The following GLI3 variants were observed in gnomAD, a reference collection of about 807,000 sequenced individuals.
GLI3 encodes transcription activator GLI3.
Under a neutral mutation model 100.8 loss-of-function variants are expected in GLI3, and 20 were observed. The ratio of observed to expected loss-of-function variants is 0.20; its 90% CI spans 0.14 to 0.29. The LOEUF is 0.29. Ranked by LOEUF, GLI3 falls within the 10% of genes least tolerant of loss-of-function variation. The pLI is 1.00. For missense variants in GLI3, 2,040 were observed against 2,128.5 expected, an observed-to-expected ratio of 0.96 and a Z score of 0.82; for synonymous variants, 938 against 860.5, an observed-to-expected ratio of 1.09 and a Z score of -1.58.
intron 2 of GLI3, among the ~76,000 whole-genome samples, chr7:42,198,967 C>T (rs1787984962): frequency 6.8e-6 from 1 of 146,392 alleles, no homozygotes; most frequent in African/African-American, 2.6e-5. Context: ...AGACTTGGGA[C>T]AATTTCACTG....
chr7:42,226,793 A>G (rs755027063), intron 1 of GLI3, among the ~76,000 whole-genome samples: 5 of 152,228 alleles, frequency 3.3e-5, no homozygotes, highest in Admixed American at 6.5e-5. Flanking sequence ...AGAAAGTTTA[A>G]CATTCTAGAC....
chr7:42,142,317 C>A (rs560374200), intron 3 of GLI3, among the ~76,000 whole-genome samples: 1 of 152,162 alleles, frequency 6.6e-6, no homozygotes, highest in East Asian at 1.9e-4. Flanking sequence ...GGAGCTGAGT[C>A]GTTGTAGAAG....
At chr7:42,182,664 A>ATACGTGTGTG (rs57881865) in intron 2 of GLI3, among the ~76,000 whole-genome samples, 2,944 of 78,300 alleles carry the variant, frequency 0.038, 125 homozygotes, top group South Asian at 0.067. Context: ...ATATATATAT[A>ATACGTGTGTG]TATATATATA....
intron 1 of GLI3, among the ~76,000 whole-genome samples, chr7:42,229,264 T>C (rs890146200): frequency 1.3e-5 from 2 of 152,196 alleles, no homozygotes; most frequent in African/African-American, 4.8e-5. Context: ...TCTTAGTGTA[T>C]TTCAAGATTT....
chr7:42,176,964 G>C (rs974441512), intron 2 of GLI3, among the ~76,000 whole-genome samples: 1 of 152,246 alleles, frequency 6.6e-6, no homozygotes, highest in African/African-American at 2.4e-5. Flanking sequence ...AGCCAGACTG[G>C]AATGGGAAGT....
intron 3 of GLI3, among the ~76,000 whole-genome samples, chr7:42,087,692 C>G (rs544702857): frequency 1.3e-5 from 2 of 148,874 alleles, no homozygotes; most frequent in Non-Finnish European, 3.0e-5. Context: ...GACAGGGGCC[C>G]CTTTGCCCCC....
At chr7:42,078,101 C>T (rs917680718) in intron 3 of GLI3, among the ~76,000 whole-genome samples, 2 of 152,156 alleles carry the variant, frequency 1.3e-5, no homozygotes, top group Admixed American at 1.3e-4. Context: ...AGGTTCTGAT[C>T]GACCACCTAA....
chr7:42,110,969 C>A (rs1342025660), intron 3 of GLI3, among the ~76,000 whole-genome samples: 1 of 152,140 alleles, frequency 6.6e-6, no homozygotes, highest in African/African-American at 2.4e-5. Context: ...GGAAACCAGT[C>A]AAACTTGGGT....
At chr7:42,138,926 C>T (rs1786494727) in intron 3 of GLI3, among the ~76,000 whole-genome samples, 1 of 152,226 alleles carries the variant, frequency 6.6e-6, no homozygotes, top group African/African-American at 2.4e-5. Context: ...TGGCACAAGT[C>T]TCCTCCGGGG....
At chr7:42,153,842 T>C (rs1389177670) in intron 2 of GLI3, among the ~76,000 whole-genome samples, 1 of 152,184 alleles carries the variant, frequency 6.6e-6, no homozygotes, top group East Asian at 1.9e-4. Flanking sequence ...TTTCCCATCA[T>C]TATTTACATC....
chr7:42,128,791 T>G (rs531737252), intron 3 of GLI3, among the ~76,000 whole-genome samples: 4 of 151,938 alleles, frequency 2.6e-5, no homozygotes, highest in Non-Finnish European at 5.9e-5. Flanking sequence ...AGTCCATGGG[T>G]CTTAACAAAT....
rs2128701969 is a variant in GLI3 at position 42,221,179 on chromosome 7, C to T, written c.124+1951G>A. On this transcript the variant is annotated intron_variant, in intron 2 of 14. Transcript: ENST00000395925. ...TGGGGCTGGTCAGATTAGTTCTGTT[C>T]CCAATCACCCTCAACAGAATCATGA... 2.0e-5 allele frequency among the ~76,000 whole-genome samples: 3 copies of T among 152,236 alleles called. No homozygotes were observed. The South Asian group carries it at 6.2e-4, about 32-fold the overall frequency.
chr7:41,986,155 A>T (rs1403791367), intron 10 of GLI3, among the ~76,000 whole-genome samples: 1 of 152,196 alleles, frequency 6.6e-6, no homozygotes, highest in Non-Finnish European at 1.5e-5. Context: ...CTTATTTCTG[A>T]TTTGTGAATA....
intron 4 of GLI3, among the ~76,000 whole-genome samples, chr7:42,074,568 G>A (rs1784841981): frequency 6.6e-6 from 1 of 152,230 alleles, no homozygotes; most frequent in South Asian, 2.1e-4. Context: ...TCACCATGCA[G>A]AGAGGGAAGG....
intron 2 of GLI3, among the ~76,000 whole-genome samples, chr7:42,163,990 T>C (rs926192184): frequency 6.6e-6 from 1 of 152,242 alleles, no homozygotes; most frequent in Admixed American, 6.5e-5. Flanking sequence ...TTTTAAAATA[T>C]TACTTTCCAA....
chr7:42,076,646 A>G (rs898007440), intron 4 of GLI3, 106 bp downstream of exon 4: 19 of 779,652 alleles, frequency 2.4e-5, no homozygotes, highest in Non-Finnish European at 2.1e-5. Flanking sequence ...TTACACTTCT[A>G]TCACATCTTC....
intron 3 of GLI3, among the ~76,000 whole-genome samples, chr7:42,109,171 T>C (rs1370919246): frequency 6.6e-6 from 1 of 152,164 alleles, no homozygotes; most frequent in African/African-American, 2.4e-5. Flanking sequence ...CCCTACAATC[T>C]TTTGTTTTCC....
At chr7:42,070,041 T>C (rs1462371653) in intron 4 of GLI3, among the ~76,000 whole-genome samples, 7 of 152,234 alleles carry the variant, frequency 4.6e-5, no homozygotes, top group Non-Finnish European at 4.4e-5. Flanking sequence ...TTCCCTTCTA[T>C]TGGGTTTACC....
intron 3 of GLI3, among the ~76,000 whole-genome samples, chr7:42,125,755 C>A (rs1786110652): frequency 6.6e-6 from 1 of 152,134 alleles, no homozygotes; most frequent in African/African-American, 2.4e-5. Context: ...AGGAGACAAG[C>A]CTCTTATTTT....
Sources: gnomAD v4.1 joint callset for allele counts (sites outside exome capture counted in the v4.1 genomes callset) on GRCh38, gnomAD v4.1.1 for gene constraint, MANE v1.5 for transcripts, NCBI Gene and HGNC (gene_info 2026-07-23, HGNC 2026-07-21) for gene names.